Variants in TRIM36 observed in about 807,000 individuals in gnomAD.
The protein encoded by TRIM36 is tripartite motif containing 36, also known as E3 ubiquitin-protein ligase TRIM36.
Under a neutral mutation model 72.4 loss-of-function variants are expected in TRIM36, and 42 were observed. The ratio of observed to expected loss-of-function variants is 0.58; its 90% CI spans 0.45 to 0.75. The LOEUF (loss-of-function observed/expected upper bound fraction) is 0.75. Among genes scored for constraint, TRIM36 ranks in the 30% least tolerant of loss-of-function variants. The pLI is 0.00. For missense variants in TRIM36, 913 were observed against 857.1 expected, an observed-to-expected ratio of 1.07 and a Z score of -0.81; for synonymous variants, 315 against 282.8, an observed-to-expected ratio of 1.11 and a Z score of -1.14.
intron 1 of TRIM36, among the ~76,000 whole-genome samples, chr5:115,164,824 G>A (rs1471906357): frequency 6.6e-6 from 1 of 152,218 alleles, no homozygotes; most frequent in Non-Finnish European, 1.5e-5. Context: ...AGTCTCATCT[G>A]AGACAAAGCA....
intron 2 of TRIM36, chr5:115,148,292 C>G: frequency 4.1e-6 from 4 of 965,748 alleles, no homozygotes; most frequent in Non-Finnish European, 4.9e-6. Context: ...TCAGTATTAT[C>G]CCAATTTTAA....
chr5:115,179,532 C>T (rs1755511871), intron 1 of TRIM36, among the ~76,000 whole-genome samples: 1 of 152,274 alleles, frequency 6.6e-6, no homozygotes, highest in African/African-American at 2.4e-5. Context: ...TGATCGCACA[C>T]TTCGAGCCTG....
At chr5:115,170,191 G>A (rs1307489887), upstream of TRIM36, among the ~76,000 whole-genome samples, 1 of 152,120 alleles carries the variant, frequency 6.6e-6, no homozygotes, top group East Asian at 1.9e-4. Flanking sequence ...AGGCTGGGGG[G>A]CTCTGAGGAA....
intron 9 of TRIM36, among the ~76,000 whole-genome samples, chr5:115,128,099 C>A: frequency 7.3e-6 from 1 of 137,008 alleles, no homozygotes; most frequent in African/African-American, 2.6e-5. Flanking sequence ...TGGGGGGGGC[C>A]AGGAGTGGTA....
intron 4 of TRIM36, among the ~76,000 whole-genome samples, chr5:115,144,119 C>A (rs570703040): frequency 3.0e-4 from 46 of 152,136 alleles, no homozygotes; most frequent in African/African-American, 1.1e-3. Context: ...CGTGATCCGC[C>A]CGCCTCGGCC....
At chr5:115,130,449 G>T in intron 9 of TRIM36, 143 bp downstream of exon 9, 1 of 823,018 alleles carries the variant, frequency 1.2e-6, no homozygotes, top group Non-Finnish European at 1.8e-6. Context: ...AAGAATACCC[G>T]GCTCCTTTTC....
chr5:115,160,596 G>A (rs1440899344), intron 2 of TRIM36, among the ~76,000 whole-genome samples: 1 of 152,140 alleles, frequency 6.6e-6, no homozygotes, highest in Admixed American at 6.5e-5. Flanking sequence ...CCAGCACTTT[G>A]GAAGGCCAAG....
chr5:115,170,958 G>T (rs1755087622), upstream of TRIM36: 1 of 1,280,226 alleles, frequency 7.8e-7, no homozygotes, highest in Non-Finnish European at 1.1e-6. Context: ...AGGACACACG[G>T]AGAACAAATT....
Position 115,133,846 on chromosome 5 carries a change from G to A in TRIM36, c.1498+14C>T, listed in dbSNP as rs1489983768. 1 of 1,553,378 alleles carries A rather than the reference G, an allele frequency of 6.4e-7. No homozygotes were observed. On this transcript the variant is annotated intron_variant, in intron 8 of 9. Transcript: ENST00000513154. ...CTAACTCTATGCTTTTTTTATTCCT[G>A]ATATTCACCATACCTGGAGCTGGAG...
intron 2 of TRIM36, among the ~76,000 whole-genome samples, chr5:115,163,118 T>C (rs1754572889): frequency 6.6e-6 from 1 of 151,996 alleles, no homozygotes; most frequent in Non-Finnish European, 1.5e-5. Flanking sequence ...TCACCACACC[T>C]AGCTCATTTT....
chr5:115,167,914 T>C (rs1754879162), intron 1 of TRIM36, among the ~76,000 whole-genome samples: 1 of 152,210 alleles, frequency 6.6e-6, no homozygotes, highest in Non-Finnish European at 1.5e-5. Flanking sequence ...CAGTTCTGCA[T>C]GGCTGGAGAG....
chr5:115,145,566 G>A (rs1032193557), intron 3 of TRIM36, among the ~76,000 whole-genome samples: 9 of 151,272 alleles, frequency 5.9e-5, no homozygotes, highest in African/African-American at 7.3e-5. Context: ...TCGCTCTGTC[G>A]CCCAGGCTAG....
intron 5 of TRIM36, among the ~76,000 whole-genome samples, chr5:115,139,464 G>C (rs7727351): frequency 0.27 from 40,590 of 152,210 alleles, 5,599 homozygotes; most frequent in Middle Eastern, 0.33. Flanking sequence ...GAAGCGTACT[G>C]TGCATTATCC....
Position 115,169,766 on chromosome 5 carries a change from G to GT in TRIM36, c.-133dup. Reference sequence around the variant, plus strand: ...AAGCTGGAAGATGAGCTGGTCAGCTGTACGTGGCCAGCGGACCGACGCGGG... The same window carrying GT: ...AAGCTGGAAGATGAGCTGGTCAGCTGTTACGTGGCCAGCGGACCGACGCGGG... On this transcript the variant is annotated 5_prime_UTR_variant, in exon 1 of 10. Transcript: ENST00000513154. 1 of 1,345,134 alleles carries GT rather than the reference G, an allele frequency of 7.4e-7. No homozygotes were observed. The highest frequency in any genetic ancestry group is 1.9e-4 in the Middle Eastern group (1 of 5,176). The allele number at this position is 1,345,134 out of a possible 1,614,324, so 83.3% of individuals were successfully genotyped here. A position where few individuals can be genotyped will look rare whatever the true frequency, so the allele number is the denominator to read the frequency against.
chr5:115,148,428 T>TTC (rs1430979187), intron 2 of TRIM36: 1 of 673,382 alleles, frequency 1.5e-6, no homozygotes, highest in East Asian at 1.5e-4. Context: ...TTTTTTTTTT[T>TTC]TTTTTTTTTT....
At chr5:115,159,551 A>G in intron 2 of TRIM36, 1 of 414,040 alleles carries the variant, frequency 2.4e-6, no homozygotes, top group South Asian at 1.8e-5. Flanking sequence ...AGACTTGACC[A>G]CTGATGTTTA....
intron 9 of TRIM36, among the ~76,000 whole-genome samples, chr5:115,128,011 T>A (rs1752443355): frequency 1.3e-5 from 2 of 151,298 alleles, no homozygotes; most frequent in African/African-American, 4.8e-5. Flanking sequence ...TGTCTTCATT[T>A]TTAACAAAAA....
Position 115,130,529 on chromosome 5 carries a change from C to A in TRIM36, c.1796+63G>T, listed in dbSNP as rs1752620469. The A allele has an allele frequency of 1.1e-5, 16 of 1,523,102 alleles. No homozygotes were observed. The Middle Eastern group carries it at 5.3e-4, about 51-fold the overall frequency. The allele number at this position is 1,523,102 out of a possible 1,614,324, so 94.3% of individuals were successfully genotyped here. ...ATGTATACTCCAAATGTAACAAAGC[C>A]AAATCTATTTTCAGGCTTACTTTTA... is the stretch of plus-strand genomic sequence containing the variant. On this transcript the variant is annotated intron_variant, in intron 9 of 9. Coordinates refer to ENST00000513154, the MANE Select transcript of TRIM36 (RefSeq NM_001300759.2).
At chr5:115,159,265 T>G (rs1307058416) in intron 2 of TRIM36, among the ~76,000 whole-genome samples, 1 of 152,208 alleles carries the variant, frequency 6.6e-6, no homozygotes, top group Non-Finnish European at 1.5e-5. Context: ...AATTTTTCAA[T>G]ACATAAGAAA....
Sources: gnomAD v4.1 joint callset for allele counts (sites outside exome capture counted in the v4.1 genomes callset) on GRCh38, gnomAD v4.1.1 for gene constraint, MANE v1.5 for transcripts, NCBI Gene and HGNC (gene_info 2026-07-23, HGNC 2026-07-21) for gene names.